The following RBFOX3 variants were observed in gnomAD, a reference collection of about 807,000 sequenced individuals.
RBFOX3 encodes RNA binding protein fox-1 homolog 3.
Under a neutral mutation model 48.7 loss-of-function variants are expected in RBFOX3, and 17 were observed. That is an observed-to-expected ratio of 0.35 (90% CI 0.24 to 0.52). The LOEUF is 0.52. Among genes scored for constraint, RBFOX3 ranks in the 20% least tolerant of loss-of-function variants. RBFOX3 has a pLI of 0.94. For synonymous variants in RBFOX3, 212 were observed against 209.5 expected (o/e 1.01, Z -0.10); for missense variants, 382 against 497.5 (o/e 0.77, Z 2.21).
At chr17:79,596,872 G>A (rs979838856) in intron 1 of RBFOX3, among the ~76,000 whole-genome samples, 1 of 152,224 alleles carries the variant, frequency 6.6e-6, no homozygotes, top group Non-Finnish European at 1.5e-5. Context: ...GTCTACGTCA[G>A]TACGTCCCAC....
chr17:79,642,695 AAAAC>A, the RBFOX3 span, among the ~76,000 whole-genome samples: 4 of 152,338 alleles, frequency 2.6e-5, no homozygotes, highest in East Asian at 1.9e-4. Flanking sequence ...ATGGAACACT[AAAAC>A]AAACAAAGTT....
intron 2 of RBFOX3, among the ~76,000 whole-genome samples, chr17:79,409,803 G>A (rs11077439): frequency 0.39 from 59,138 of 152,030 alleles, 11,662 homozygotes; most frequent in Non-Finnish European, 0.4. Flanking sequence ...GCACTGGTGA[G>A]AGGCGGCAGG....
chr17:79,377,138 T>C (rs1358929645), intron 2 of RBFOX3, among the ~76,000 whole-genome samples: 1 of 152,204 alleles, frequency 6.6e-6, no homozygotes, highest in African/African-American at 2.4e-5. Flanking sequence ...TTCTGGGGCA[T>C]GGCTCTGGCT....
chr17:79,637,997 G>A, the RBFOX3 span, among the ~76,000 whole-genome samples: 1 of 151,642 alleles, frequency 6.6e-6, no homozygotes, highest in African/African-American at 2.4e-5. Flanking sequence ...AGCAACCATT[G>A]GACAAAAGAG....
At chr17:79,661,333 C>T in the RBFOX3 span, among the ~76,000 whole-genome samples, 7 of 152,214 alleles carry the variant, frequency 4.6e-5, no homozygotes, top group Non-Finnish European at 1.0e-4. Flanking sequence ...TTCCATCTTG[C>T]CCATTTCTGA....
At chr17:79,169,900 A>T (rs1487071552) in intron 4 of RBFOX3, among the ~76,000 whole-genome samples, 1 of 152,166 alleles carries the variant, frequency 6.6e-6, no homozygotes, top group Non-Finnish European at 1.5e-5. Flanking sequence ...AATCATTAAA[A>T]GGAAAGGAAA....
At chr17:79,630,735 C>T in the RBFOX3 span, among the ~76,000 whole-genome samples, 1 of 152,170 alleles carries the variant, frequency 6.6e-6, no homozygotes, top group Non-Finnish European at 1.5e-5. Flanking sequence ...GTGAGTAACA[C>T]TTACTGACTC....
chr17:79,658,885 C>T, the RBFOX3 span, among the ~76,000 whole-genome samples: 1 of 152,230 alleles, frequency 6.6e-6, no homozygotes, highest in Admixed American at 6.5e-5. Context: ...AGATAACCTC[C>T]ATTTGCAATG....
intron 1 of RBFOX3, among the ~76,000 whole-genome samples, chr17:79,569,268 C>G (rs1382017708): frequency 6.6e-6 from 1 of 152,152 alleles, no homozygotes; most frequent in Non-Finnish European, 1.5e-5. Flanking sequence ...CTGGCAACCA[C>G]TCGTCTACCC....
At chr17:79,105,442 C>T (rs566335525) in intron 6 of RBFOX3, among the ~76,000 whole-genome samples, 1 of 152,320 alleles carries the variant, frequency 6.6e-6, no homozygotes, top group South Asian at 2.1e-4. Context: ...ATGTCAGCTG[C>T]TATTAAGGGG....
intron 2 of RBFOX3, among the ~76,000 whole-genome samples, chr17:79,451,501 A>G (rs1416923383): frequency 6.6e-6 from 1 of 152,234 alleles, no homozygotes; most frequent in Non-Finnish European, 1.5e-5. Flanking sequence ...CCTTGACTGC[A>G]GCTCAACTGT....
At chr17:79,652,142 T>C in the RBFOX3 span, among the ~76,000 whole-genome samples, 1 of 152,078 alleles carries the variant, frequency 6.6e-6, no homozygotes, top group Admixed American at 6.5e-5. Flanking sequence ...TTTTAAACCA[T>C]TGTGTTTGGG....
chr17:79,288,248 T>A (rs567793459), intron 3 of RBFOX3, among the ~76,000 whole-genome samples: 1 of 152,322 alleles, frequency 6.6e-6, no homozygotes, highest in Admixed American at 6.5e-5. Context: ...AGGACAGGGC[T>A]TCTTTGGAAG....
chr17:79,458,224 T>G (rs2074849630), intron 2 of RBFOX3, among the ~76,000 whole-genome samples: 1 of 152,262 alleles, frequency 6.6e-6, no homozygotes, highest in Admixed American at 6.5e-5. Context: ...CTGCGCTGCC[T>G]GACTCATATG....
intron 1 of RBFOX3, among the ~76,000 whole-genome samples, chr17:79,533,320 G>A (rs1291822899): frequency 3.3e-5 from 5 of 152,180 alleles, no homozygotes; most frequent in African/African-American, 9.7e-5. Context: ...ATCCTCCCAA[G>A]CCTACACCTG....
chr17:79,232,175 G>C (rs575302670), intron 4 of RBFOX3, among the ~76,000 whole-genome samples: 1 of 152,160 alleles, frequency 6.6e-6, no homozygotes, highest in Non-Finnish European at 1.5e-5. Flanking sequence ...ATTACAATTC[G>C]AGGTGAGATG....
At chr17:79,656,661 G>GAAGA in the RBFOX3 span, among the ~76,000 whole-genome samples, 2,203 of 108,444 alleles carry the variant, frequency 0.02, 36 homozygotes, top group African/African-American at 0.068. Context: ...GAAAGGAAGA[G>GAAGA]AAGAAAGGAA....
At chr17:79,119,011 AAAAG>A (rs1298073816) in intron 4 of RBFOX3, among the ~76,000 whole-genome samples, 1 of 112,952 alleles carries the variant, frequency 8.9e-6, no homozygotes, top group Non-Finnish European at 2.1e-5. Context: ...AATAAAATAA[AAAAG>A]AAAGCGCAGC....
chr17:79,373,755 G>T (rs909306120), intron 2 of RBFOX3, among the ~76,000 whole-genome samples: 28 of 152,108 alleles, frequency 1.8e-4, no homozygotes, highest in African/African-American at 6.8e-4. Context: ...AGCAAGTCAC[G>T]GGCCACCCTG....
Sources: gnomAD v4.1 joint callset for allele counts (sites outside exome capture counted in the v4.1 genomes callset) on GRCh38, gnomAD v4.1.1 for gene constraint, MANE v1.5 for transcripts, NCBI Gene and HGNC (gene_info 2026-07-23, HGNC 2026-07-21) for gene names.